SMAD5: variants seen among roughly 807,000 people sequenced by gnomAD.
The protein encoded by SMAD5 is SMAD family member 5.
In SMAD5, 9 loss-of-function variants were observed where a neutral mutation model predicts 43.1. The ratio of observed to expected loss-of-function variants is 0.21; its 90% CI spans 0.13 to 0.36. SMAD5 has a LOEUF of 0.36. Ranked by LOEUF, SMAD5 falls within the 10% of genes least tolerant of loss-of-function variation. The pLI is 1.00. For synonymous variants in SMAD5, 190 were observed against 192.4 expected, an observed-to-expected ratio of 0.99 and a Z score of 0.10; for missense variants, 348 against 574.0, an observed-to-expected ratio of 0.61 and a Z score of 4.02.
intron 1 of SMAD5, among the ~76,000 whole-genome samples, chr5:136,147,006 A>G (rs1243963380): frequency 6.6e-6 from 1 of 151,730 alleles, no homozygotes; most frequent in Non-Finnish European, 1.5e-5. Flanking sequence ...ATATATATGC[A>G]GAGGAAACAA....
Position 136,155,293 on chromosome 5 carries a change from T to C in SMAD5, c.403+1130T>C, listed in dbSNP as rs188095170. On this transcript the variant is annotated intron_variant, in intron 3 of 7. Coordinates refer to ENST00000545279, the MANE Select transcript of SMAD5 (RefSeq NM_005903.7). Reference sequence around the variant, plus strand: ...ACTGCAAGGTCATCTTTTATTCTTCTTACTTAAATCCTATATTTAAAATAT... The same window carrying C: ...ACTGCAAGGTCATCTTTTATTCTTCCTACTTAAATCCTATATTTAAAATAT... Among the ~76,000 whole-genome samples the C allele has an allele frequency of 9.8e-5, 15 of 152,334 alleles. No individual in the cohort carries two copies. In the East Asian group the frequency reaches 2.7e-3, roughly 27 times the overall value.
At chr5:136,134,055 GTTGC>G (rs1561636066) in intron 1 of SMAD5, 2 of 18,428 alleles carry the variant, frequency 1.1e-4, no homozygotes, top group Non-Finnish European at 2.6e-4. Context: ...GGGGGGGGGT[GTTGC>G]GGGGGGAGGG....
At chr5:136,166,785 C>T (rs1051112271) in intron 5 of SMAD5, among the ~76,000 whole-genome samples, 1 of 152,072 alleles carries the variant, frequency 6.6e-6, no homozygotes, top group Non-Finnish European at 1.5e-5. Context: ...AAAATATGGA[C>T]TGTATTTACT....
rs1302247955 is a variant in SMAD5, at chr5:136,177,508, G to T, written c.*28G>T. ...CAGAAGTATTCTTTTCAATTATATT[G>T]TTAGTGGACTTGTTTTAATTTTAGA... On this transcript the variant is annotated 3_prime_UTR_variant, in exon 8 of 8. Coordinates refer to ENST00000545279, the MANE Select transcript of SMAD5 (RefSeq NM_005903.7). The T allele has an allele frequency of 6.4e-7, 1 of 1,550,906 alleles. No individual in the cohort carries two copies. The highest frequency in any genetic ancestry group is 8.8e-7 in the Non-Finnish European group (1 of 1,139,738).
chr5:136,163,139 T>C (rs1742965024), intron 4 of SMAD5, 133 bp from the exon 5 acceptor site: 1 of 674,650 alleles, frequency 1.5e-6, no homozygotes, highest in Admixed American at 3.3e-5. Context: ...TGCCCTAGGA[T>C]AGTATCCTAC....
Position 136,167,877 on chromosome 5 carries a change from T to C in SMAD5, c.775+4486T>C, listed in dbSNP as rs541758771. On this transcript the variant is annotated intron_variant, in intron 5 of 7. Transcript: ENST00000545279. ...CTTGGTGTTATTTTATTCCTGCCCC[T>C]TTTTTTTTGAGACGGAATCTCGCTC... Among the ~76,000 whole-genome samples, 471 of 150,764 alleles carry C rather than the reference T, an allele frequency of 3.1e-3. 10 individuals are homozygous for C. Among genetic ancestry groups the C allele is most frequent in the Middle Eastern group, 0.014 (4 of 292 alleles).
chr5:136,147,205 C>CA (rs937398008), intron 1 of SMAD5, among the ~76,000 whole-genome samples: 7 of 151,176 alleles, frequency 4.6e-5, no homozygotes, highest in East Asian at 3.9e-4. Flanking sequence ...AAGATCACCA[C>CA]AAAAAAAATA....
At chr5:136,133,828 C>G (rs1231081904) in intron 1 of SMAD5, 1 of 154,662 alleles carries the variant, frequency 6.5e-6, no homozygotes, top group Non-Finnish European at 1.5e-5. Flanking sequence ...TGCTCAGTAG[C>G]CAAAACAGAT....
At chr5:136,150,886 A>C (rs1468103111) in intron 2 of SMAD5, among the ~76,000 whole-genome samples, 1 of 151,986 alleles carries the variant, frequency 6.6e-6, no homozygotes, top group Non-Finnish European at 1.5e-5. Flanking sequence ...CATCATCTCT[A>C]TTTTACAGAA....
intron 1 of SMAD5, among the ~76,000 whole-genome samples, chr5:136,145,927 C>T (rs180789406): frequency 6.6e-6 from 1 of 151,990 alleles, no homozygotes; most frequent in African/African-American, 2.4e-5. Flanking sequence ...ATAAAATTGT[C>T]TCCCTTCATC....
Position 136,154,160 on chromosome 5 carries a change from C to A in SMAD5, c.400C>A (p.Pro134Thr). 1 of 1,518,736 alleles carries A rather than the reference C, an allele frequency of 6.6e-7. No homozygotes were observed. Among genetic ancestry groups the A allele is most frequent in the South Asian group, 1.3e-5 (1 of 76,052 alleles). 94.1% of individuals were successfully genotyped at this position (1,518,736 alleles called of 1,614,324 possible). A position where few individuals can be genotyped will look rare whatever the true frequency, so the allele number is the denominator to read the frequency against. ...NPYHYKRVES[P>T]VLPPVLVPRH... ...ATACCACTATAAGAGAGTGGAGAGTCCAGGTAGGTCTTATTCCTGAGAAGA... is the reference window on the plus strand; with the variant it reads ...ATACCACTATAAGAGAGTGGAGAGTACAGGTAGGTCTTATTCCTGAGAAGA... The change falls in exon 3 of 8, where the codon CCA (proline) becomes ACA (threonine). Residue 134 changes from proline to threonine, a missense_variant. Physicochemically the swap from Pro to Thr is conservative, Grantham distance 38. Coordinates refer to ENST00000545279, the MANE Select transcript of SMAD5 (RefSeq NM_005903.7).
chr5:136,163,321 A>G lies in SMAD5; in HGVS notation c.705A>G (p.Gln235=), dbSNP rs754521636. 3.7e-6 allele frequency: 6 copies of G among 1,611,530 alleles called. No individual in the cohort carries two copies. The highest frequency in any genetic ancestry group is 1.7e-5 in the Admixed American group (1 of 59,944). ...AYMPPDDQMG[Q]DNSQPMDTSN... ...TGCCACCTGATGATCAGATGGGTCAAGATAATTCCCAGCCTATGGATACAA... is the reference window on the plus strand; with the variant it reads ...TGCCACCTGATGATCAGATGGGTCAGGATAATTCCCAGCCTATGGATACAA... Residue 235 remains glutamine (Q), a synonymous_variant, in exon 5 of 8, where the codon CAA becomes CAG. Transcript: ENST00000545279.
chr5:136,161,958 A>T (rs1435141814), intron 4 of SMAD5, among the ~76,000 whole-genome samples: 1 of 152,252 alleles, frequency 6.6e-6, no homozygotes, highest in Non-Finnish European at 1.5e-5. Context: ...ATTTATAAAT[A>T]AAGACCCAAG....
intron 5 of SMAD5, 28 bp from the exon 6 acceptor site, chr5:136,172,406 A>G: frequency 7.3e-7 from 1 of 1,361,526 alleles, no homozygotes. Flanking sequence ...TATGTATTAA[A>G]CTCTTTCTGT....
intron 2 of SMAD5, among the ~76,000 whole-genome samples, chr5:136,151,867 G>C (rs1451945081): frequency 6.6e-6 from 1 of 152,032 alleles, no homozygotes; most frequent in Non-Finnish European, 1.5e-5. Context: ...ACCAAACCAT[G>C]GTTTTACTTC....
At chr5:136,154,543 T>G (rs944386386) in intron 3 of SMAD5, among the ~76,000 whole-genome samples, 1 of 152,126 alleles carries the variant, frequency 6.6e-6, no homozygotes, top group Non-Finnish European at 1.5e-5. Flanking sequence ...ATTTTCCCTT[T>G]CTACCAGAGT....
chr5:136,159,962 C>G (rs1320948730), intron 3 of SMAD5, among the ~76,000 whole-genome samples: 5 of 152,122 alleles, frequency 3.3e-5, no homozygotes, highest in Admixed American at 2.6e-4. Flanking sequence ...TTGACAGATA[C>G]AGGACAATTG....
At chr5:136,156,304 T>A (rs181313482) in intron 3 of SMAD5, among the ~76,000 whole-genome samples, 4 of 152,286 alleles carry the variant, frequency 2.6e-5, no homozygotes, top group African/African-American at 7.2e-5. Flanking sequence ...TTCTGTTGGT[T>A]AGAAGGAAGT....
intron 5 of SMAD5, among the ~76,000 whole-genome samples, chr5:136,170,132 A>G (rs1003729996): frequency 8.6e-5 from 13 of 151,986 alleles, no homozygotes; most frequent in Non-Finnish European, 7.4e-5. Context: ...TATTTCTTCC[A>G]TGAATTGTAC....
Sources: allele counts gnomAD v4.1 joint callset (sites outside exome capture counted in the v4.1 genomes callset), GRCh38; gene constraint gnomAD v4.1.1; transcripts MANE v1.5; gene names NCBI Gene and HGNC (gene_info 2026-07-23, HGNC 2026-07-21).